Variants in ECHDC1 observed in about 807,000 individuals in gnomAD.
ECHDC1 encodes ethylmalonyl-CoA decarboxylase.
ECHDC1 carries 29 observed loss-of-function variants against 29.7 expected under a neutral mutation model. That is an observed-to-expected ratio of 0.98 (90% CI 0.73 to 1.33). The LOEUF is 1.33. ECHDC1 is among the 40% of genes most tolerant of loss of function. The pLI, the probability that ECHDC1 is intolerant of heterozygous loss-of-function variation, is 0.00. For synonymous variants in ECHDC1, 126 were observed against 123.1 expected (o/e 1.02, Z -0.15); for missense variants, 328 against 350.0 (o/e 0.94, Z 0.50).
At chr6:127,312,849 A>G (rs1782053048) in intron 5 of ECHDC1, among the ~76,000 whole-genome samples, 1 of 152,206 alleles carries the variant, frequency 6.6e-6, no homozygotes, top group African/African-American at 2.4e-5. Context: ...AAAAGGAACA[A>G]AGTATTGACA....
At chr6:127,309,480 AACACACACACACACACACACACAC>A (rs58621326) in intron 5 of ECHDC1, among the ~76,000 whole-genome samples, 38,770 of 138,424 alleles carry the variant, frequency 0.28, 6,611 homozygotes, top group Middle Eastern at 0.44. Context: ...CAAACAACAA[AACACACACACACACACACACACAC>A]ACACACACAC....
At chr6:127,335,386 C>T (rs1342262079) in intron 1 of ECHDC1, among the ~76,000 whole-genome samples, 2 of 151,946 alleles carry the variant, frequency 1.3e-5, no homozygotes, top group African/African-American at 4.8e-5. Context: ...AAGTGTAACT[C>T]AGATAAATTG....
At chr6:127,326,896 T>C (rs1173332689) in intron 3 of ECHDC1, 106 bp downstream of exon 3, 15 of 1,315,276 alleles carry the variant, frequency 1.1e-5, no homozygotes, top group Non-Finnish European at 1.5e-5. Context: ...CCATAATCCT[T>C]TGAAAGTTAT....
intron 5 of ECHDC1, among the ~76,000 whole-genome samples, chr6:127,306,206 GAAGA>G (rs1344141385): frequency 6.6e-6 from 1 of 152,078 alleles, no homozygotes; most frequent in Non-Finnish European, 1.5e-5. Context: ...AAGAAGAGAT[GAAGA>G]AAGTCACTAT....
chr6:127,331,366 G>A (rs991135776), intron 1 of ECHDC1, among the ~76,000 whole-genome samples: 3 of 151,820 alleles, frequency 2.0e-5, no homozygotes, highest in South Asian at 2.1e-4. Flanking sequence ...GGCTGGTCTC[G>A]AACTCCTGAC....
chr6:127,320,417 GA>G (rs1419199382), intron 3 of ECHDC1, among the ~76,000 whole-genome samples: 1 of 152,180 alleles, frequency 6.6e-6, no homozygotes, highest in Non-Finnish European at 1.5e-5. Context: ...AAGCAACAGA[GA>G]TCGAAGGAAC....
intron 5 of ECHDC1, among the ~76,000 whole-genome samples, chr6:127,301,544 T>A (rs769266621): frequency 1.1e-4 from 16 of 152,198 alleles, no homozygotes; most frequent in Non-Finnish European, 2.1e-4. Context: ...TAATCTGTCA[T>A]AGAAAGTAAC....
chr6:127,309,789 A>G (rs1180698521), intron 5 of ECHDC1, among the ~76,000 whole-genome samples: 1 of 152,224 alleles, frequency 6.6e-6, no homozygotes, highest in African/African-American at 2.4e-5. Flanking sequence ...ATTTACAATC[A>G]TGGCAGAAGG....
chr6:127,312,889 A>C (rs1782055973), intron 5 of ECHDC1, among the ~76,000 whole-genome samples: 1 of 152,172 alleles, frequency 6.6e-6, no homozygotes, highest in African/African-American at 2.4e-5. Context: ...CTCTCAAAAT[A>C]ATTACACTGA....
intron 5 of ECHDC1, among the ~76,000 whole-genome samples, chr6:127,298,133 A>G (rs1223126052): frequency 6.6e-6 from 1 of 152,224 alleles, no homozygotes; most frequent in East Asian, 1.9e-4. Context: ...GATAAAACAC[A>G]ATAGCAAAAT....
intron 1 of ECHDC1, chr6:127,342,669 G>C (rs1183140090): frequency 8.5e-6 from 3 of 353,640 alleles, no homozygotes; most frequent in Non-Finnish European, 1.5e-5. Flanking sequence ...CAGGAGCCCA[G>C]ATGTGGAACA....
At chr6:127,300,856 G>A (rs540899923) in intron 5 of ECHDC1, among the ~76,000 whole-genome samples, 2 of 152,298 alleles carry the variant, frequency 1.3e-5, no homozygotes, top group East Asian at 3.9e-4. Context: ...AGATAATAAC[G>A]TGTTGTTTTA....
chr6:127,321,540 CATA>C (rs1562323357), intron 3 of ECHDC1, among the ~76,000 whole-genome samples: 1 of 152,164 alleles, frequency 6.6e-6, no homozygotes, highest in African/African-American at 2.4e-5. Flanking sequence ...ATTTTAAAAT[CATA>C]ATGTGATAAA....
intron 5 of ECHDC1, among the ~76,000 whole-genome samples, chr6:127,299,294 G>C (rs1198077294): frequency 6.6e-6 from 1 of 152,076 alleles, no homozygotes; most frequent in Non-Finnish European, 1.5e-5. Context: ...GGAGATCACA[G>C]CTCCATGCAT....
At chr6:127,342,387 G>A in intron 1 of ECHDC1, 3 of 1,546,716 alleles carry the variant, frequency 1.9e-6, no homozygotes, top group Middle Eastern at 3.4e-4. Context: ...TTCACAGGCT[G>A]GCTTCCCTTC....
At chr6:127,326,793 C>G (rs570778428) in intron 3 of ECHDC1, 2 of 507,872 alleles carry the variant, frequency 3.9e-6, no homozygotes, top group African/African-American at 1.9e-5. Context: ...AAGAGCCGTT[C>G]GCAGATATAC....
chr6:127,290,371 T>TC, intron 5 of ECHDC1, 94 bp from the exon 6 acceptor site: 1 of 1,239,754 alleles, frequency 8.1e-7, no homozygotes, highest in Non-Finnish European at 1.1e-6. Context: ...GAATTCTCCA[T>TC]AGATCTTTAT....
rs1184379949 is a variant in ECHDC1 at position 127,290,162 on chromosome 6, C to CT, written c.612dup (p.Val205SerfsTer7). ...TCCAGTTTAAGGGCCCCACTCAACA[C>CT]TTTGAGAGCTTGTCTACTTCCGATT... On this transcript the variant is annotated frameshift_variant, in exon 6 of 6. Transcript: ENST00000454859. LOFTEE classifies it high-confidence loss of function. The CT allele has an allele frequency of 6.2e-7, 1 of 1,613,722 alleles. No individual in the cohort carries two copies. The highest frequency in any genetic ancestry group is 1.3e-5 in the African/African-American group (1 of 75,014).
intron 3 of ECHDC1, among the ~76,000 whole-genome samples, chr6:127,322,092 G>C (rs1782876260): frequency 6.6e-6 from 1 of 152,054 alleles, no homozygotes; most frequent in Non-Finnish European, 1.5e-5. Context: ...GATCATTTGA[G>C]GTCAGGAGTT....
Sources: gnomAD v4.1 joint callset for allele counts (sites outside exome capture counted in the v4.1 genomes callset) on GRCh38, gnomAD v4.1.1 for gene constraint, MANE v1.5 for transcripts, NCBI Gene and HGNC (gene_info 2026-07-23, HGNC 2026-07-21) for gene names.